Variants in NUP50 observed in about 807,000 individuals in gnomAD.
NUP50 encodes nucleoporin 50, also known as nuclear pore complex protein Nup50.
Under a neutral mutation model 36.8 loss-of-function variants are expected in NUP50, and 14 were observed. The observed-to-expected ratio is 0.38, with a 90% CI of 0.25 to 0.59. The LOEUF (loss-of-function observed/expected upper bound fraction) is 0.59. Among genes scored for constraint, NUP50 ranks in the 20% least tolerant of loss-of-function variants. The probability of loss-of-function intolerance (pLI) is 0.63; values close to 1 mark genes in which losing one functional copy is unlikely to be tolerated. For synonymous variants in NUP50, 195 were observed against 210.8 expected, an observed-to-expected ratio of 0.93 and a Z score of 0.65; for missense variants, 455 against 564.6, an observed-to-expected ratio of 0.81 and a Z score of 1.97.
chr22:45,164,899 C>G (rs1454680778), intron 1 of NUP50: 1 of 152,286 alleles, frequency 6.6e-6, no homozygotes, highest in Admixed American at 6.5e-5. Context: ...TTACTGCGTT[C>G]CCGGGTTATT....
rs132885 is a variant in NUP50 at position 45,173,338 on chromosome 22, G to GT, written c.153+1671dup. Among the ~76,000 whole-genome samples the GT allele has an allele frequency of 9.3e-3, 1,257 of 134,880 alleles. 11 individuals carry two copies. Among genetic ancestry groups the GT allele is most frequent in the African/African-American group, 0.022 (795 of 36,326 alleles). 88.5% of individuals were successfully genotyped at this position (134,880 alleles called of 152,430 possible). On this transcript the variant is annotated intron_variant, in intron 3 of 7. Transcript: ENST00000347635. The stretch of plus-strand genomic sequence containing the variant: ...ACAGTAAACCTCTTGAACTTCAGGT[G>GT]TTTTTTTTTTTTTTTTGTCTGGTTT...
chr22:45,182,623 G>GT (rs550478534), intron 6 of NUP50, among the ~76,000 whole-genome samples: 14,248 of 95,184 alleles, frequency 0.15, 2,023 homozygotes, highest in Middle Eastern at 0.2. Context: ...CTTGAGGTTT[G>GT]TTTTTTTTTT....
chr22:45,180,072 G>T (rs2074342367), intron 5 of NUP50: 1 of 152,228 alleles, frequency 6.6e-6, no homozygotes, highest in South Asian at 2.1e-4. Context: ...TGAAATAAGG[G>T]TCTCCCCTTT....
intron 6 of NUP50, among the ~76,000 whole-genome samples, chr22:45,181,699 C>T (rs565953294): frequency 1.1e-3 from 173 of 152,242 alleles, no homozygotes; most frequent in Middle Eastern, 6.8e-3. Context: ...TCCCCTTCCT[C>T]CTCCCCAACA....
At chr22:45,181,864 T>C (rs1192040081) in intron 6 of NUP50, among the ~76,000 whole-genome samples, 6 of 152,216 alleles carry the variant, frequency 3.9e-5, no homozygotes, top group Non-Finnish European at 1.5e-5. Flanking sequence ...ATAAAAACTT[T>C]CATCTTCCTT....
At chr22:45,171,704 C>A (rs187713129) in intron 3 of NUP50, 21 bp downstream of exon 3, 1 of 1,598,846 alleles carries the variant, frequency 6.3e-7, no homozygotes, top group East Asian at 2.2e-5. Flanking sequence ...CCTTACAGCT[C>A]TTGCTATTAA....
chr22:45,178,317 C>T lies in NUP50; in HGVS notation c.420C>T (p.Pro140=). ...AAACTAATGGGGACAGTCAGCAGCCCTCCTCCTCTGGCCTTGCTTCCAGTA... is the reference window on the plus strand; with the variant it reads ...AAACTAATGGGGACAGTCAGCAGCCTTCCTCCTCTGGCCTTGCTTCCAGTA... ...NPKTNGDSQQ[P]SSSGLASSKA... The change falls in exon 5 of 8, where the codon CCC becomes CCT. Residue 140 remains proline (P), a synonymous_variant. Transcript: ENST00000347635. 2 of 1,613,970 alleles carry T rather than the reference C, an allele frequency of 1.2e-6. No homozygotes were observed. Among genetic ancestry groups the T allele is most frequent in the Middle Eastern group, 1.7e-4 (1 of 6,056 alleles).
At position 45,187,725 on chromosome 22, in the gene NUP50, G is replaced by T. The variant is rs1058033; in HGVS notation, c.*3070G>T. The T allele has an allele frequency of 0.54, 81,755 of 152,088 alleles. 22,185 individuals are homozygous for T. The highest frequency in any genetic ancestry group is 0.59 in the African/African-American group (24,540 of 41,446). 9.4% of individuals were successfully genotyped at this position (152,088 alleles called of 1,614,324 possible). On this transcript the variant is annotated 3_prime_UTR_variant, in exon 8 of 8. Transcript: ENST00000347635. ...CAGATGACAGGGAGGTCTTTTCCAA[G>T]CAGGCACTCAGAACACAGGTCACCG...
chr22:45,170,587 T>C lies in NUP50; in HGVS notation c.70-1013T>C, dbSNP rs539154768. On this transcript the variant is annotated intron_variant, in intron 2 of 7. Coordinates refer to ENST00000347635, the MANE Select transcript of NUP50 (RefSeq NM_007172.4). ...CTCTACAAGTGTATCTCCTCACATA[T>C]GTTTAGGGAAACCAGAATCCCAAGG... Among the ~76,000 whole-genome samples, 28 of 152,308 alleles carry C rather than the reference T, an allele frequency of 1.8e-4. No homozygotes were observed. In the South Asian group the frequency reaches 5.6e-3, roughly 30 times the overall value.
chr22:45,171,133 T>C lies in NUP50; in HGVS notation c.70-467T>C, dbSNP rs1047990983. 2.8e-5 allele frequency: 35 copies of C among 1,237,916 alleles called. No homozygotes were observed. The African/African-American group carries it at 4.6e-4, about 16-fold the overall frequency. The allele number at this position is 1,237,916 out of a possible 1,614,324, so 76.7% of individuals were successfully genotyped here. On this transcript the variant is annotated intron_variant, in intron 2 of 7. Transcript: ENST00000347635. ...AGGTCCTAGGTGCCTCCGTGGCCTT[T>C]CGTACAGTGGGCAAGTTGGGCAGGA...
chr22:45,181,427 G>C, intron 6 of NUP50, 60 bp downstream of exon 6: 1 of 1,067,300 alleles, frequency 9.4e-7, no homozygotes, highest in Non-Finnish European at 1.3e-6. Context: ...CATGCTTCAG[G>C]CTGGAGAATG....
At chr22:45,176,162 A>T (rs2074274179) in intron 4 of NUP50, 82 bp downstream of exon 4, 1 of 1,441,872 alleles carries the variant, frequency 6.9e-7, no homozygotes, top group East Asian at 2.4e-5. Flanking sequence ...TCTTATAGCT[A>T]CCCTGTGTCT....
At chr22:45,180,562 T>TG (rs778184455) in intron 5 of NUP50, among the ~76,000 whole-genome samples, 5 of 152,082 alleles carry the variant, frequency 3.3e-5, no homozygotes, top group Non-Finnish European at 7.4e-5. Flanking sequence ...TTTGTAGAGA[T>TG]GGGGGGCGTC....
chr22:45,184,185 G>A (rs888752961), intron 7 of NUP50: 7 of 475,352 alleles, frequency 1.5e-5, no homozygotes, highest in Admixed American at 3.8e-5. Context: ...ACGGTTCTGA[G>A]CGAGGCTGCT....
chr22:45,171,494 T>G, intron 2 of NUP50, 106 bp from the exon 3 acceptor site: 1 of 1,101,000 alleles, frequency 9.1e-7, no homozygotes, highest in Non-Finnish European at 1.4e-6. Context: ...AATTTATTTT[T>G]GAGAGGCCGG....
At chr22:45,165,513 A>G (rs2074081802) in intron 1 of NUP50, among the ~76,000 whole-genome samples, 1 of 152,186 alleles carries the variant, frequency 6.6e-6, no homozygotes, top group Admixed American at 6.5e-5. Flanking sequence ...AGTTCTTCAT[A>G]ACAGTAGCTA....
chr22:45,178,093 T>C, intron 4 of NUP50, 145 bp from the exon 5 acceptor site: 1 of 742,704 alleles, frequency 1.3e-6, no homozygotes, highest in Admixed American at 2.9e-5. Flanking sequence ...GCCACGGCAC[T>C]CCAGCCTGGG....
chr22:45,176,838 T>G (rs1045362865), intron 4 of NUP50, among the ~76,000 whole-genome samples: 2 of 151,802 alleles, frequency 1.3e-5, no homozygotes, highest in Non-Finnish European at 2.9e-5. Context: ...CGCCTCTGGG[T>G]TTAAGCGATT....
In NUP50 at chr22:45,184,709, CCTTAAA is replaced by C. The variant is rs199877687; in HGVS notation, c.*55_*60del. ...CCAAGTTGCTGCTGCTTCCACCGCC[CCTTAAA>C]GTTAGTCAGTTTTTCTTCTCTTCTT... On this transcript the variant is annotated 3_prime_UTR_variant, in exon 8 of 8. Transcript: ENST00000347635. 1.7e-5 allele frequency: 23 copies of C among 1,326,662 alleles called. No individual in the cohort carries two copies. The East Asian group carries it at 4.3e-4, about 25-fold the overall frequency. 82.2% of individuals were successfully genotyped at this position (1,326,662 alleles called of 1,614,324 possible). A position where few individuals can be genotyped will look rare whatever the true frequency, so the allele number is the denominator to read the frequency against.
Sources: allele counts gnomAD v4.1 joint callset (sites outside exome capture counted in the v4.1 genomes callset), GRCh38; gene constraint gnomAD v4.1.1; transcripts MANE v1.5; gene names NCBI Gene and HGNC (gene_info 2026-07-23, HGNC 2026-07-21).